The following EXOC1 variants were observed in gnomAD, a reference collection of about 807,000 sequenced individuals.
The protein encoded by EXOC1 is exocyst complex component 1.
A neutral mutation model predicts 107.7 loss-of-function variants in EXOC1; 67 were observed. The observed-to-expected ratio is 0.62, with a 90% CI of 0.51 to 0.76. The LOEUF is 0.76. Ranked by LOEUF, EXOC1 falls within the 30% of genes least tolerant of loss-of-function variation. The probability of loss-of-function intolerance (pLI) is 0.00; values close to 1 mark genes in which losing one functional copy is unlikely to be tolerated. For missense variants in EXOC1, 833 were observed against 1,055.7 expected, an observed-to-expected ratio of 0.79 and a Z score of 2.92; for synonymous variants, 348 against 353.5, an observed-to-expected ratio of 0.98 and a Z score of 0.17.
At chr4:55,874,281 T>A (rs1223457820) in intron 8 of EXOC1, among the ~76,000 whole-genome samples, 1 of 152,166 alleles carries the variant, frequency 6.6e-6, no homozygotes, top group Non-Finnish European at 1.5e-5. Flanking sequence ...TCAGTCTTTT[T>A]AAAATTCACA....
At chr4:55,883,584 G>A (rs141598081) in intron 9 of EXOC1, 99 of 319,924 alleles carry the variant, frequency 3.1e-4, no homozygotes, top group African/African-American at 2.0e-3. Flanking sequence ...AGGTAATATA[G>A]AAAAATGAAA....
rs1031568795 is a variant in EXOC1 at position 55,902,650 on chromosome 4, G to C, written c.2532+112G>C. ...CTAGAGCAGGAGGAGAGTTCCATTA[G>C]AGTACAGACCAGATTAATGAATTGT... On this transcript the variant is annotated intron_variant, in intron 18 of 18. Transcript: ENST00000381295. 3.9e-6 allele frequency: 3 copies of C among 773,192 alleles called. No homozygotes were observed. The African/African-American group carries it at 5.5e-5, about 14-fold the overall frequency. 47.9% of individuals were successfully genotyped at this position (773,192 alleles called of 1,614,324 possible). A position where few individuals can be genotyped will look rare whatever the true frequency, so the allele number is the denominator to read the frequency against.
At chr4:55,870,228 C>T (rs1722303567) in intron 5 of EXOC1, among the ~76,000 whole-genome samples, 1 of 152,204 alleles carries the variant, frequency 6.6e-6, no homozygotes, top group Non-Finnish European at 1.5e-5. Context: ...TAAGATATCA[C>T]ATAGGTGATT....
In EXOC1 at chr4:55,905,054, C is replaced by T. The variant is rs1259134717; in HGVS notation, c.*559C>T. The T allele has an allele frequency of 2.6e-5, 4 of 152,074 alleles. No homozygotes were observed. In the East Asian group the frequency reaches 7.7e-4, roughly 29 times the overall value. 9.4% of individuals were successfully genotyped at this position (152,074 alleles called of 1,614,324 possible). ...TATTTTTAGGTCTATCATATGCTGT[C>T]TTCTGTATTAAAGCAAGTTCTTACA... On this transcript the variant is annotated 3_prime_UTR_variant, in exon 19 of 19. Coordinates refer to ENST00000381295, the MANE Select transcript of EXOC1 (RefSeq NM_001024924.2).
intron 1 of EXOC1, among the ~76,000 whole-genome samples, chr4:55,857,168 C>CTTTTTTTTTTTTTTTTTTTTT (rs71192052): frequency 1.5e-5 from 1 of 65,738 alleles, no homozygotes; most frequent in Non-Finnish European, 2.7e-5. Context: ...TCCTTTTTTT[C>CTTTTTTTTTTTTTTTTTTTTT]TTTTTTTTTT....
chr4:55,892,653 G>A lies in EXOC1; in HGVS notation c.1666G>A (p.Asp556Asn), dbSNP rs369562471. 15 of 1,613,996 alleles carry A rather than the reference G, an allele frequency of 9.3e-6. No homozygotes were observed. The highest frequency in any genetic ancestry group is 1.3e-5 in the Non-Finnish European group (15 of 1,180,006). ...TTTGCAGGCTGAAGCAGAGGACCTG[G>A]ATGGAGGAACATTATCACGGCAACA... ...PGTMAEAEDL[D>N]GGTLSRQHNC... Residue 556 changes from aspartate to asparagine, a missense_variant, in exon 14 of 19, where the codon GAT (aspartate) becomes AAT (asparagine). This residue lies in a region of EXOC1 where 617 missense variants were observed against 701.3 expected (regional missense o/e 0.88). Transcript: ENST00000381295.
At chr4:55,884,628 C>T (rs1723699597) in intron 10 of EXOC1, among the ~76,000 whole-genome samples, 1 of 152,160 alleles carries the variant, frequency 6.6e-6, no homozygotes, top group African/African-American at 2.4e-5. Context: ...TGCATGTATC[C>T]ATCTCTGGAG....
intron 10 of EXOC1, among the ~76,000 whole-genome samples, chr4:55,886,279 G>T (rs1008797237): frequency 2.0e-5 from 3 of 151,752 alleles, no homozygotes; most frequent in African/African-American, 7.3e-5. Context: ...CCAGCCTGGC[G>T]CAGTGGCTCA....
chr4:55,891,493 A>C (rs1443779106), intron 13 of EXOC1, 71 bp downstream of exon 13: 3 of 1,022,086 alleles, frequency 2.9e-6, no homozygotes, highest in Non-Finnish European at 4.5e-6. Flanking sequence ...ATATGTGGTC[A>C]CAATTTTATG....
intron 3 of EXOC1, among the ~76,000 whole-genome samples, chr4:55,861,157 T>C (rs1721435080): frequency 1.3e-5 from 2 of 152,182 alleles, no homozygotes; most frequent in South Asian, 4.1e-4. Flanking sequence ...ATACCCTTTT[T>C]TCAAAGCAAT....
chr4:55,860,107 A>T (rs770463064), intron 2 of EXOC1, among the ~76,000 whole-genome samples: 12 of 152,216 alleles, frequency 7.9e-5, no homozygotes, highest in Non-Finnish European at 1.3e-4. Flanking sequence ...TTCAAGCCTC[A>T]CAGACTTTAC....
intron 8 of EXOC1, chr4:55,875,972 A>G (rs917937924): frequency 1.7e-5 from 16 of 954,854 alleles, no homozygotes; most frequent in Middle Eastern, 5.3e-4. Context: ...TATAATATCT[A>G]TATCTGGCTA....
Position 55,898,762 on chromosome 4 carries a change from CTTAG to C in EXOC1, c.2138-915_2138-912del, listed in dbSNP as rs1348520403. Among the ~76,000 whole-genome samples, 8 of 152,218 alleles carry C rather than the reference CTTAG, an allele frequency of 5.3e-5. No individual in the cohort carries two copies. In the East Asian group the frequency reaches 5.8e-4, roughly 11 times the overall value. ...GACTCTATATAATCTTAGTATCTTT[CTTAG>C]TTAGTTAATATAGATAAACATAATC... On this transcript the variant is annotated intron_variant, in intron 16 of 18. Transcript: ENST00000381295.
chr4:55,890,296 G>A lies in EXOC1; in HGVS notation c.1449G>A (p.Gly483=), dbSNP rs771952039. 6.2e-7 allele frequency: 1 copy of A among 1,613,992 alleles called. No homozygotes were observed. The highest frequency in any genetic ancestry group is 1.1e-5 in the South Asian group (1 of 91,070). Residue 483 remains glycine (G), a synonymous_variant, in exon 12 of 19, where the codon GGG becomes GGA. Coordinates refer to ENST00000381295, the MANE Select transcript of EXOC1 (RefSeq NM_001024924.2). ...SLNKLSVQSS[G]NRRSQSSSLL... Reference sequence around the variant, plus strand: ...ATAAGCTCAGTGTTCAGAGTTCAGGGAATCGCAGATCTCAGTCATCTTCCC... The same window carrying A: ...ATAAGCTCAGTGTTCAGAGTTCAGGAAATCGCAGATCTCAGTCATCTTCCC...
chr4:55,901,045 T>C (rs1192455123), intron 17 of EXOC1, among the ~76,000 whole-genome samples: 1 of 152,242 alleles, frequency 6.6e-6, no homozygotes, highest in Non-Finnish European at 1.5e-5. Flanking sequence ...TACATGATAC[T>C]TAACTGCAAC....
At chr4:55,877,609 T>A (rs1469359170) in intron 8 of EXOC1, 1 of 985,396 alleles carries the variant, frequency 1.0e-6, no homozygotes, top group African/African-American at 1.7e-5. Flanking sequence ...AAATATGGTA[T>A]GAGAGAGACA....
rs1456191249 is a variant in EXOC1, at chr4:55,870,724, T to C, written c.650T>C (p.Leu217Pro). ...GCATCTGAAAAACAAGTCAACATCC[T>C]GATGAAATTGCTAGATGAGGCTCTA... ...IMASEKQVNI[L>P]MKLLDEALKE... The change falls in exon 6 of 19, where the codon CTG becomes CCG. Residue 217 changes from leucine (L) to proline (P), a missense_variant. Around this residue, in one of 2 missense-constraint regions of EXOC1, gnomAD observed 617 missense variants for 701.3 expected, o/e 0.88. Transcript: ENST00000381295. The C allele has an allele frequency of 6.2e-7, 1 of 1,613,934 alleles. No homozygotes were observed.
intron 10 of EXOC1, among the ~76,000 whole-genome samples, chr4:55,886,747 A>G (rs753815774): frequency 6.6e-6 from 1 of 152,152 alleles, no homozygotes; most frequent in Non-Finnish European, 1.5e-5. Flanking sequence ...TTGCTCTGAA[A>G]ATTCTGGGTC....
At chr4:55,867,910 C>T (rs1237423326) in intron 4 of EXOC1, among the ~76,000 whole-genome samples, 1 of 151,946 alleles carries the variant, frequency 6.6e-6, no homozygotes, top group Non-Finnish European at 1.5e-5. Context: ...AAAAATTTCA[C>T]CTGGGAAAAA....
Sources: allele counts gnomAD v4.1 joint callset (sites outside exome capture counted in the v4.1 genomes callset), GRCh38; gene constraint gnomAD v4.1.1; regional missense constraint gnomAD v4.1.1; transcripts MANE v1.5; gene names NCBI Gene and HGNC (gene_info 2026-07-23, HGNC 2026-07-21).